Variants in CACNA1C observed in about 807,000 individuals in gnomAD.
The protein encoded by CACNA1C is voltage-dependent L-type calcium channel subunit alpha-1C.
In CACNA1C, 30 loss-of-function variants were observed where a neutral mutation model predicts 229.0. That is an observed-to-expected ratio of 0.13 (90% CI 0.10 to 0.18). CACNA1C has a LOEUF of 0.18. CACNA1C is among the 10% of genes least tolerant of loss of function. The pLI is 1.00. For missense variants in CACNA1C, 1,658 were observed against 2,845.0 expected, an observed-to-expected ratio of 0.58 and a Z score of 9.49; for synonymous variants, 1,114 against 1,132.5, an observed-to-expected ratio of 0.98 and a Z score of 0.33.
chr12:2,375,835 C>G lies in CACNA1C; in HGVS notation c.478-73141C>G, dbSNP rs1567318348. Among the ~76,000 whole-genome samples, 4 of 152,222 alleles carry G rather than the reference C, an allele frequency of 2.6e-5. No individual in the cohort carries two copies. The South Asian group carries it at 8.3e-4, about 32-fold the overall frequency. On this transcript the variant is annotated intron_variant, in intron 3 of 46. Coordinates refer to ENST00000399655, the MANE Select transcript of CACNA1C (RefSeq NM_000719.7). ...TTCTGCCCAGAGCTCACTGGTAACT[C>G]AGGCTCTCTGCATGGCAAAGTGGAA...
At chr12:2,332,938 G>A (rs1041578992) in intron 3 of CACNA1C, among the ~76,000 whole-genome samples, 2 of 152,112 alleles carry the variant, frequency 1.3e-5, no homozygotes, top group African/African-American at 4.8e-5. Flanking sequence ...GTATCCTAAA[G>A]GCAGAAAACA....
chr12:2,188,826 C>G (rs2097124353), intron 3 of CACNA1C, among the ~76,000 whole-genome samples: 1 of 152,168 alleles, frequency 6.6e-6, no homozygotes, highest in Admixed American at 6.5e-5. Context: ...GGCACGGTGT[C>G]TCACGCCTGT....
chr12:2,089,030 A>C (rs538470891), intron 1 of CACNA1C, among the ~76,000 whole-genome samples: 2 of 152,188 alleles, frequency 1.3e-5, no homozygotes, highest in South Asian at 4.2e-4. Flanking sequence ...GAGACTTTGC[A>C]CTTCTTAGTC....
intron 1 of CACNA1C, among the ~76,000 whole-genome samples, chr12:2,097,562 T>C (rs747181671): frequency 2.0e-5 from 3 of 152,192 alleles, no homozygotes; most frequent in Non-Finnish European, 4.4e-5. Context: ...CCAATACTTG[T>C]TATTTTCTGA....
intron 3 of CACNA1C, among the ~76,000 whole-genome samples, chr12:2,284,024 C>T (rs1190900396): frequency 1.3e-5 from 2 of 152,094 alleles, no homozygotes; most frequent in African/African-American, 4.8e-5. Flanking sequence ...AGCAGTATAC[C>T]CGGGTGAGGA....
rs1233309970 is a variant in CACNA1C, at chr12:2,678,957, C to T, written c.5092-487C>T. On this transcript the variant is annotated intron_variant, in intron 41 of 46. Coordinates refer to ENST00000399655, the MANE Select transcript of CACNA1C (RefSeq NM_000719.7). This position sits in a 1 kb window ranked among gnomAD's most constrained non-coding sequence, Gnocchi z 4.1. ...GCAGGAAATTCTTCATTTTCAAAAC[C>T]GTTTGGCCAACCAGCTTTTAGCTCT... Among the ~76,000 whole-genome samples the T allele has an allele frequency of 1.3e-5, 2 of 152,222 alleles. No homozygotes were observed. Among genetic ancestry groups the T allele is most frequent in the African/African-American group, 2.4e-5 (1 of 41,460 alleles).
In CACNA1C at chr12:2,651,421, C is replaced by T. The variant is rs1023792829; in HGVS notation, c.3946-219C>T. On this transcript the variant is annotated intron_variant, in intron 31 of 46. Coordinates refer to ENST00000399655, the MANE Select transcript of CACNA1C (RefSeq NM_000719.7). This position sits in a 1 kb window ranked among gnomAD's most constrained non-coding sequence, Gnocchi z 5.4. ...ATAAAAACACAGGACCACAGCCCAG[C>T]GGCCTGGGCACAGTCTAGCTCTGCA... is the stretch of plus-strand genomic sequence containing the variant. The T allele has an allele frequency of 3.5e-5, 21 of 596,926 alleles. No homozygotes were observed. The highest frequency in any genetic ancestry group is 5.9e-5 in the Non-Finnish European group (20 of 338,824). 37.0% of individuals were successfully genotyped at this position (596,926 alleles called of 1,614,324 possible).
chr12:2,572,562 TC>T (rs2056086808), intron 13 of CACNA1C, among the ~76,000 whole-genome samples: 1 of 30,558 alleles, frequency 3.3e-5, no homozygotes, highest in Non-Finnish European at 6.4e-5. Flanking sequence ...CTCCTTCTCC[TC>T]TCCTCCTCCT....
Position 2,689,105 on chromosome 12 carries a change from CAG to C in CACNA1C, c.6117+327_6117+328del, listed in dbSNP as rs1411750297. On this transcript the variant is annotated intron_variant, in intron 46 of 46. Coordinates refer to ENST00000399655, the MANE Select transcript of CACNA1C (RefSeq NM_000719.7). This position sits in a 1 kb window ranked among gnomAD's most constrained non-coding sequence, Gnocchi z 4.2. ...ACAGACAGGCAAGATCCAAGGTGCT[CAG>C]GCCTGACTGCCCGTGAGCATCACCT... Among the ~76,000 whole-genome samples the C allele has an allele frequency of 1.3e-5, 2 of 152,174 alleles. No individual in the cohort carries two copies. The highest frequency in any genetic ancestry group is 1.3e-4 in the Admixed American group (2 of 15,292).
chr12:1,994,643 ACT>A (rs2040360472), intron 1 of CACNA1C, among the ~76,000 whole-genome samples: 1 of 152,220 alleles, frequency 6.6e-6, no homozygotes, highest in South Asian at 2.1e-4. Context: ...GTCTCTATGA[ACT>A]CTCTATTACA....
intron 3 of CACNA1C, among the ~76,000 whole-genome samples, chr12:2,196,305 G>A (rs2097400845): frequency 6.6e-6 from 1 of 152,168 alleles, no homozygotes; most frequent in African/African-American, 2.4e-5. Flanking sequence ...CTCTTAGTGG[G>A]AAGTAATGAA....
At chr12:2,404,639 C>T (rs906416728) in intron 3 of CACNA1C, among the ~76,000 whole-genome samples, 4 of 152,118 alleles carry the variant, frequency 2.6e-5, no homozygotes, top group African/African-American at 7.2e-5. Flanking sequence ...CAGCTCCCAG[C>T]CAGATGCATG....
intron 9 of CACNA1C, among the ~76,000 whole-genome samples, chr12:2,521,992 C>T (rs1032380685): frequency 1.2e-4 from 19 of 152,226 alleles, no homozygotes; most frequent in African/African-American, 3.1e-4. Context: ...ACTGCCCTGC[C>T]GCAAAGCCAG....
chr12:2,353,126 G>A (rs2097255301), intron 3 of CACNA1C, among the ~76,000 whole-genome samples: 1 of 152,222 alleles, frequency 6.6e-6, no homozygotes, highest in African/African-American at 2.4e-5. Flanking sequence ...GGTCAGGTGG[G>A]AGGGAGTTTA....
intron 1 of CACNA1C, among the ~76,000 whole-genome samples, chr12:2,030,464 T>A (rs906695837): frequency 3.3e-5 from 5 of 152,210 alleles, no homozygotes; most frequent in African/African-American, 1.2e-4. Context: ...AATGAATTTT[T>A]AGAGCCAAAT....
chr12:2,280,377 TCGG>T (rs2090758116), intron 3 of CACNA1C, among the ~76,000 whole-genome samples: 2 of 92,360 alleles, frequency 2.2e-5, no homozygotes, highest in African/African-American at 4.9e-5. Flanking sequence ...TTGCTGTGCT[TCGG>T]TTTGACCTCT....
intron 1 of CACNA1C, among the ~76,000 whole-genome samples, chr12:2,065,011 C>T (rs1208332862): frequency 6.6e-6 from 1 of 152,202 alleles, no homozygotes; most frequent in Non-Finnish European, 1.5e-5. Flanking sequence ...TTTAATCCAA[C>T]CGACTATTAG....
rs981455042 is a variant in CACNA1C at position 2,403,922 on chromosome 12, A to T, written c.478-45054A>T. Among the ~76,000 whole-genome samples, 1 of 152,116 alleles carries T rather than the reference A, an allele frequency of 6.6e-6. No homozygotes were observed. The highest frequency in any genetic ancestry group is 6.5e-5 in the Admixed American group (1 of 15,284). ...TTCCACCTAGAGGAAAGACTTAATG[A>T]TTCTCACCCTTGAAAGTGTGTACAG... On this transcript the variant is annotated intron_variant, in intron 3 of 46. Transcript: ENST00000399655. The surrounding 1 kb of genome is among the most constrained non-coding windows in gnomAD (Gnocchi z 4.1).
intron 5 of CACNA1C, among the ~76,000 whole-genome samples, chr12:2,481,630 A>C (rs2099676054): frequency 6.6e-6 from 1 of 152,200 alleles, no homozygotes; most frequent in Non-Finnish European, 1.5e-5. Context: ...ACTTGACATG[A>C]ACTCCAAACT....
Sources: gnomAD v4.1 joint callset for allele counts (sites outside exome capture counted in the v4.1 genomes callset) on GRCh38, gnomAD v4.1.1 for gene constraint, Gnocchi (gnomAD v3.1) non-coding constraint, MANE v1.5 for transcripts, NCBI Gene and HGNC (gene_info 2026-07-23, HGNC 2026-07-21) for gene names.